Variants in ELAVL3 observed in about 807,000 individuals in gnomAD.
ELAVL3 encodes ELAV-like protein 3.
ELAVL3 carries 8 observed loss-of-function variants against 34.2 expected under a neutral mutation model. The observed-to-expected ratio is 0.23, with a 90% confidence interval of 0.14 to 0.42. The LOEUF (loss-of-function observed/expected upper bound fraction) is 0.42. ELAVL3 is among the 10% of genes least tolerant of loss of function. ELAVL3 has a pLI of 1.00. For synonymous variants in ELAVL3, 209 were observed against 222.1 expected (o/e 0.94, Z 0.53); for missense variants, 273 against 518.8 (o/e 0.53, Z 4.60).
chr19:11,459,943 C>A (rs758248421), intron 3 of ELAVL3, among the ~76,000 whole-genome samples: 12 of 152,132 alleles, frequency 7.9e-5, no homozygotes, highest in Non-Finnish European at 1.5e-4. Flanking sequence ...CTCTTCCCAG[C>A]TACACTGGGC....
intron 3 of ELAVL3, among the ~76,000 whole-genome samples, chr19:11,464,992 CCACACACCACACACACATACATACACATA>C (rs1468209837): frequency 8.2e-6 from 1 of 122,654 alleles, no homozygotes; most frequent in Admixed American, 8.4e-5. Context: ...CACACACACA[CCACACACCACACACACATACATACACATA>C]CACACACCAC....
intron 1 of ELAVL3, among the ~76,000 whole-genome samples, chr19:11,468,502 C>G (rs995636082): frequency 6.6e-6 from 1 of 151,844 alleles, no homozygotes; most frequent in Admixed American, 6.6e-5. Context: ...GCCACCTCTG[C>G]CTCCCAGGTT....
intron 3 of ELAVL3, among the ~76,000 whole-genome samples, chr19:11,464,914 CCA>C (rs372841476): frequency 0.042 from 5,289 of 127,328 alleles, 353 homozygotes; most frequent in African/African-American, 0.14. Flanking sequence ...CAAACACACA[CCA>C]CACACACACC....
In ELAVL3 at chr19:11,466,211, G is replaced by A. The variant is rs61741718; in HGVS notation, c.294C>T (p.Asn98=). Reference sequence around the variant, plus strand: ...TCTGTAATTTGAGGCCGTTGAGGGTGTTGATGGCTTTGTCTGCATCATTGG... The same window carrying A: ...TCTGTAATTTGAGGCCGTTGAGGGTATTGATGGCTTTGTCTGCATCATTGG... ...SDPNDADKAI[N]TLNGLKLQTK... Residue 98 remains asparagine, a synonymous_variant, in exon 3 of 7, where the codon AAC becomes AAT. Coordinates refer to ENST00000359227, the MANE Select transcript of ELAVL3 (RefSeq NM_001420.4). The surrounding 1 kb of genome is among the most constrained non-coding windows in gnomAD (Gnocchi z 5.0). 2,764 of 1,613,864 alleles carry A rather than the reference G, an allele frequency of 1.7e-3. 47 individuals carry two copies. In the African/African-American group the frequency reaches 0.03, roughly 18 times the overall value.
chr19:11,463,996 C>CAAA (rs1178739669), intron 3 of ELAVL3, among the ~76,000 whole-genome samples: 1 of 136,586 alleles, frequency 7.3e-6, no homozygotes, highest in Admixed American at 7.4e-5. Flanking sequence ...ATCAAAAAAC[C>CAAA]AAAAAAAAAA....
At chr19:11,464,701 CCACACACACCACACA>C (rs1970979624) in intron 3 of ELAVL3, among the ~76,000 whole-genome samples, 1 of 136,408 alleles carries the variant, frequency 7.3e-6, no homozygotes, top group African/African-American at 2.8e-5. Flanking sequence ...CACACATACA[CCACACACACCACACA>C]CACACACATC....
rs976179986 is a variant in ELAVL3, at chr19:11,451,487, G to GTT, written c.*3037_*3038dup. The GTT allele has an allele frequency of 1.2e-5, 1 of 84,528 alleles. No individual in the cohort carries two copies. The highest frequency in any genetic ancestry group is 2.6e-5 in the Non-Finnish European group (1 of 39,068). 5.2% of individuals were successfully genotyped at this position (84,528 alleles called of 1,614,324 possible). ...GGTTTTTTTTTTTTTTTTGTCTTTT[G>GTT]TTTTGTCTTTTTTTTTTTTTTTTTT... On this transcript the variant is annotated 3_prime_UTR_variant, in exon 7 of 7. Coordinates refer to ENST00000359227, the MANE Select transcript of ELAVL3 (RefSeq NM_001420.4).
At chr19:11,470,690 ATAAT>A (rs1971146760) in intron 1 of ELAVL3, among the ~76,000 whole-genome samples, 1 of 152,012 alleles carries the variant, frequency 6.6e-6, no homozygotes, top group African/African-American at 2.4e-5. Flanking sequence ...ATAAAACAAA[ATAAT>A]TAATTATTAA....
At chr19:11,459,736 G>A (rs1970845299) in intron 3 of ELAVL3, among the ~76,000 whole-genome samples, 1 of 151,998 alleles carries the variant, frequency 6.6e-6, no homozygotes, top group African/African-American at 2.4e-5. Context: ...TTGAAAGACG[G>A]AGTCTTGCTG....
In ELAVL3 at chr19:11,451,612, T is replaced by TC. The variant is rs1165772899; in HGVS notation, c.*2913dup. 2 of 147,670 alleles carry TC rather than the reference T, an allele frequency of 1.4e-5. No homozygotes were observed. The highest frequency in any genetic ancestry group is 3.0e-5 in the Non-Finnish European group (2 of 66,904). 9.1% of individuals were successfully genotyped at this position (147,670 alleles called of 1,614,324 possible). ...GGAGGGGTGGAGGGGCTGAGCCCCCTCCCCCCTGGCCTGGCCCCTGCCCCC... is the reference window on the plus strand; with the variant it reads ...GGAGGGGTGGAGGGGCTGAGCCCCCTCCCCCCCTGGCCTGGCCCCTGCCCCC... On this transcript the variant is annotated 3_prime_UTR_variant, in exon 7 of 7. Coordinates refer to ENST00000359227, the MANE Select transcript of ELAVL3 (RefSeq NM_001420.4).
At position 11,457,585 on chromosome 19, in the gene ELAVL3, A is replaced by G. The variant is rs567306610; in HGVS notation, c.714-437T>C. On this transcript the variant is annotated intron_variant, in intron 5 of 6. Coordinates refer to ENST00000359227, the MANE Select transcript of ELAVL3 (RefSeq NM_001420.4). ...TGGAGTGGCTATGAGCTTGGACTCC[A>G]GGTCCTGGGTTTGAGTCTCTGCTCT... Among the ~76,000 whole-genome samples, 3 of 152,324 alleles carry G rather than the reference A, an allele frequency of 2.0e-5. No individual in the cohort carries two copies. In the East Asian group the frequency reaches 5.8e-4, roughly 29 times the overall value.
At chr19:11,464,760 T>A (rs890765003) in intron 3 of ELAVL3, among the ~76,000 whole-genome samples, 50 of 61,708 alleles carry the variant, frequency 8.1e-4, no homozygotes, top group South Asian at 2.4e-3. Flanking sequence ...CACACACACA[T>A]CACACACACC....
chr19:11,458,497 G>C lies in ELAVL3; in HGVS notation c.448C>G (p.Arg150Gly), dbSNP rs1213073380. 2 of 1,614,102 alleles carry C rather than the reference G, an allele frequency of 1.2e-6. No homozygotes were observed. The change falls in exon 4 of 7, where the codon CGC (arginine) becomes GGC (glycine). Residue 150 changes from arginine (R) to glycine (G), a missense_variant. Physicochemically the swap from Arg to Gly is moderately radical, Grantham distance 125 (BLOSUM62 -2). Around this residue, in one of 4 missense-constraint regions of ELAVL3, gnomAD observed 102 missense variants for 250.1 expected, o/e 0.41. Transcript: ENST00000359227. The surrounding 1 kb of genome is among the most constrained non-coding windows in gnomAD (Gnocchi z 7.3). ...EMEQLFSQYG[R>G]IITSRILVDQ... ...ACCAGGATGCGGGACGTGATGATGCGGCCGTACTGGGAGAAGAGCTGCTCC... is the reference window on the plus strand; with the variant it reads ...ACCAGGATGCGGGACGTGATGATGCCGCCGTACTGGGAGAAGAGCTGCTCC...
intron 3 of ELAVL3, among the ~76,000 whole-genome samples, chr19:11,460,042 T>G (rs1970850876): frequency 1.3e-5 from 2 of 151,960 alleles, no homozygotes; most frequent in African/African-American, 4.8e-5. Flanking sequence ...GTGCCCCACA[T>G]GGGGGTGTCA....
rs1209508176 is a variant in ELAVL3, at chr19:11,453,581, A to G, written c.*945T>C. The G allele has an allele frequency of 6.5e-6, 1 of 152,868 alleles. No individual in the cohort carries two copies. Among genetic ancestry groups the G allele is most frequent in the Non-Finnish European group, 1.5e-5 (1 of 68,072 alleles). The allele number at this position is 152,868 out of a possible 1,614,324, so 9.5% of individuals were successfully genotyped here. On this transcript the variant is annotated 3_prime_UTR_variant, in exon 7 of 7. Transcript: ENST00000359227. The stretch of plus-strand genomic sequence containing the variant: ...GCCCACATCTGTGGTCTGTGTCCAC[A>G]TGGACGTAGCCCCAGCTTCTGTCTC...
At chr19:11,462,286 G>T (rs931524030) in intron 3 of ELAVL3, among the ~76,000 whole-genome samples, 3 of 150,346 alleles carry the variant, frequency 2.0e-5, no homozygotes, top group Non-Finnish European at 4.4e-5. Context: ...TGCACCTGGG[G>T]TTCTCCAGAA....
chr19:11,472,164 C>T (rs1462676754), intron 1 of ELAVL3, among the ~76,000 whole-genome samples: 1 of 152,138 alleles, frequency 6.6e-6, no homozygotes, highest in Non-Finnish European at 1.5e-5. Context: ...GCCTGGCTAA[C>T]ATAGCGAAAC....
intron 3 of ELAVL3, among the ~76,000 whole-genome samples, chr19:11,464,105 CTCTCTCT>C (rs1970950122): frequency 7.5e-6 from 1 of 134,162 alleles, no homozygotes; most frequent in Admixed American, 7.4e-5. Context: ...CTCCCTCTCT[CTCTCTCT>C]GTCTCTCTCT....
chr19:11,456,118 CTTTTT>C (rs1346370368), intron 6 of ELAVL3, among the ~76,000 whole-genome samples: 1 of 143,158 alleles, frequency 7.0e-6, no homozygotes, highest in Admixed American at 6.9e-5. Context: ...TTTTTTTTTT[CTTTTT>C]GAGACGGAAT....
Sources: allele counts gnomAD v4.1 joint callset (sites outside exome capture counted in the v4.1 genomes callset), GRCh38; gene constraint gnomAD v4.1.1; regional missense constraint gnomAD v4.1.1; non-coding constraint Gnocchi (gnomAD v3.1); transcripts MANE v1.5; gene names NCBI Gene and HGNC (gene_info 2026-07-23, HGNC 2026-07-21).